The following OSBPL9 variants were observed in gnomAD, a reference collection of about 807,000 sequenced individuals.
The protein encoded by OSBPL9 is oxysterol binding protein like 9.
A neutral mutation model predicts 106.6 loss-of-function variants in OSBPL9; 40 were observed. The ratio of observed to expected loss-of-function variants is 0.38; its 90% CI spans 0.29 to 0.49. The LOEUF is 0.49. Ranked by LOEUF, OSBPL9 falls within the 20% of genes least tolerant of loss-of-function variation. The pLI is 0.97. For missense variants in OSBPL9, 609 were observed against 887.2 expected (o/e 0.69, Z 3.98); for synonymous variants, 269 against 295.4 (o/e 0.91, Z 0.92).
upstream of OSBPL9, among the ~76,000 whole-genome samples, chr1:51,615,978 T>C (rs1283675407): frequency 2.0e-5 from 3 of 151,250 alleles, no homozygotes; most frequent in African/African-American, 4.9e-5. Context: ...TGCCTAGATA[T>C]AGTAGGTGGT....
At chr1:51,642,228 T>TAAAA (rs1403829739) in intron 1 of OSBPL9, among the ~76,000 whole-genome samples, 1 of 152,224 alleles carries the variant, frequency 6.6e-6, no homozygotes, top group African/African-American at 2.4e-5. Context: ...TAGCTGTACT[T>TAAAA]ACGTGTCTCC....
intron 1 of OSBPL9, among the ~76,000 whole-genome samples, chr1:51,591,644 C>G (rs2148601560): frequency 6.6e-6 from 1 of 152,074 alleles, no homozygotes; most frequent in South Asian, 2.1e-4. Flanking sequence ...CCATCTCTAC[C>G]AAATTAAGTG....
chr1:51,657,515 C>G (rs949604023), intron 2 of OSBPL9, among the ~76,000 whole-genome samples: 2 of 152,086 alleles, frequency 1.3e-5, no homozygotes, highest in African/African-American at 2.4e-5. Context: ...ATTTCAAAGC[C>G]CTGTTCAATT....
chr1:51,620,574 A>T (rs1456219486), intron 1 of OSBPL9, among the ~76,000 whole-genome samples: 1 of 152,194 alleles, frequency 6.6e-6, no homozygotes, highest in Non-Finnish European at 1.5e-5. Context: ...GATTAGCCGT[A>T]TGAGCAGAGA....
intron 8 of OSBPL9, among the ~76,000 whole-genome samples, chr1:51,751,698 G>A (rs1180755579): frequency 6.6e-6 from 1 of 152,128 alleles, no homozygotes; most frequent in Non-Finnish European, 1.5e-5. Flanking sequence ...TGAAGATTGG[G>A]GAAGCAGAGG....
intron 2 of OSBPL9, among the ~76,000 whole-genome samples, chr1:51,654,218 CAGGAAGAACATAGTGTCT>C (rs1011317155): frequency 6.6e-6 from 1 of 152,118 alleles, no homozygotes; most frequent in Non-Finnish European, 1.5e-5. Flanking sequence ...GTTCTTTTAG[CAGGAAGAACATAGTGTCT>C]AGTTTTTGCC....
At chr1:51,656,589 C>T (rs1243872061) in intron 2 of OSBPL9, among the ~76,000 whole-genome samples, 2 of 152,042 alleles carry the variant, frequency 1.3e-5, no homozygotes, top group East Asian at 3.9e-4. Context: ...ATACTTCTAA[C>T]AGGTTTAATT....
the OSBPL9 span, among the ~76,000 whole-genome samples, chr1:51,545,798 A>T: frequency 1.6e-4 from 24 of 152,108 alleles, no homozygotes; most frequent in African/African-American, 5.8e-4. Context: ...AAATCAAGAG[A>T]TGCTTAATTA....
intron 3 of OSBPL9, among the ~76,000 whole-genome samples, chr1:51,689,488 T>G (rs116740065): frequency 6.6e-6 from 1 of 152,210 alleles, no homozygotes; most frequent in Non-Finnish European, 1.5e-5. Context: ...TTTTCCCTCA[T>G]GAATTGAGAT....
At chr1:51,529,201 C>T in the OSBPL9 span, among the ~76,000 whole-genome samples, 1 of 151,358 alleles carries the variant, frequency 6.6e-6, no homozygotes, top group African/African-American at 2.4e-5. Flanking sequence ...GCCAAATAAT[C>T]TTAACAATGA....
intron 4 of OSBPL9, among the ~76,000 whole-genome samples, chr1:51,743,707 G>A (rs1667398962): frequency 6.6e-6 from 1 of 152,180 alleles, no homozygotes; most frequent in East Asian, 1.9e-4. Context: ...ACATTGCTGT[G>A]TGAAACAAAA....
chr1:51,641,235 C>T (rs1192684288), intron 1 of OSBPL9, among the ~76,000 whole-genome samples: 3 of 152,166 alleles, frequency 2.0e-5, no homozygotes, highest in Admixed American at 6.5e-5. Context: ...CTTGAGAATG[C>T]AGGTCATCTC....
intron 14 of OSBPL9, among the ~76,000 whole-genome samples, chr1:51,776,226 G>A (rs761943251): frequency 4.6e-5 from 7 of 152,140 alleles, no homozygotes; most frequent in South Asian, 4.2e-4. Flanking sequence ...TAGTGAGAGC[G>A]CGAGTGTGAA....
intron 1 of OSBPL9, among the ~76,000 whole-genome samples, chr1:51,645,729 A>G (rs898097171): frequency 1.3e-5 from 2 of 151,958 alleles, no homozygotes; most frequent in East Asian, 1.9e-4. Flanking sequence ...ATTTATACCT[A>G]CGTTTTTACC....
chr1:51,612,947 CTG>C (rs1483781214), upstream of OSBPL9, among the ~76,000 whole-genome samples: 3 of 152,312 alleles, frequency 2.0e-5, no homozygotes, highest in African/African-American at 7.2e-5. Context: ...CTAAATAACT[CTG>C]TGTTCTAGTG....
intron 10 of OSBPL9, among the ~76,000 whole-genome samples, chr1:51,761,381 T>C (rs1457361671): frequency 2.0e-5 from 3 of 152,204 alleles, no homozygotes; most frequent in Non-Finnish European, 2.9e-5. Context: ...AACATTTCTA[T>C]GTTCTCGATG....
At chr1:51,774,074 C>T (rs1042697647) in intron 14 of OSBPL9, among the ~76,000 whole-genome samples, 6 of 152,112 alleles carry the variant, frequency 3.9e-5, no homozygotes, top group African/African-American at 1.4e-4. Flanking sequence ...AAACCTGCCA[C>T]TGGCAAGGGG....
At chr1:51,767,002 C>G (rs1478998405) in intron 12 of OSBPL9, among the ~76,000 whole-genome samples, 1 of 152,036 alleles carries the variant, frequency 6.6e-6, no homozygotes, top group African/African-American at 2.4e-5. Context: ...TCACTTGAAC[C>G]TGGGAGGCGG....
intron 2 of OSBPL9, among the ~76,000 whole-genome samples, chr1:51,657,791 A>G (rs1377633818): frequency 6.6e-6 from 1 of 152,200 alleles, no homozygotes; most frequent in Non-Finnish European, 1.5e-5. Context: ...AAATGGAGAC[A>G]TGACAACATT....
Sources: gnomAD v4.1 joint callset for allele counts (sites outside exome capture counted in the v4.1 genomes callset) on GRCh38, gnomAD v4.1.1 for gene constraint, MANE v1.5 for transcripts, NCBI Gene and HGNC (gene_info 2026-07-23, HGNC 2026-07-21) for gene names.